Variants in DMD observed in about 807,000 individuals in gnomAD.
DMD encodes mutant dystrophin.
In DMD, 63 loss-of-function variants were observed where a neutral mutation model predicts 330.1. The ratio of observed to expected loss-of-function variants is 0.19; its 90% CI spans 0.16 to 0.24. DMD has a LOEUF of 0.24. Ranked by LOEUF, DMD falls within the 10% of genes least tolerant of loss-of-function variation. The pLI, the probability that DMD is intolerant of heterozygous loss-of-function variation, is 1.00. For synonymous variants in DMD, 1,223 were observed against 959.8 expected (o/e 1.27, Z -5.07); for missense variants, 3,344 against 2,684.1 (o/e 1.25, Z -5.43).
At chrX:31,224,509 A>T (rs920103199) in intron 63 of DMD, among the ~76,000 whole-genome samples, 1 of 112,334 alleles carries the variant, frequency 8.9e-6, no homozygotes, top group African/African-American at 3.2e-5. Flanking sequence ...AATGTTGGTG[A>T]GGATATGGAG....
intron 9 of DMD, among the ~76,000 whole-genome samples, chrX:32,679,304 A>G (rs1175592830): frequency 9.0e-6 from 1 of 111,337 alleles, no homozygotes; most frequent in Non-Finnish European, 1.9e-5. Context: ...AGAAACTAGA[A>G]AAACAATAGA....
At chrX:31,893,665 G>C (rs2094290597) in intron 47 of DMD, among the ~76,000 whole-genome samples, 1 of 110,528 alleles carries the variant, frequency 9.0e-6, no homozygotes, top group Non-Finnish European at 1.9e-5. Flanking sequence ...AGGAGGGATA[G>C]GCAGGGTAAT....
chrX:31,827,951 C>T (rs1286691749), intron 49 of DMD, among the ~76,000 whole-genome samples: 1 of 111,907 alleles, frequency 8.9e-6, no homozygotes, highest in African/African-American at 3.2e-5. Context: ...TTAAATACTA[C>T]ATCAAAAATT....
At chrX:32,458,923 T>A (rs188475486) in intron 25 of DMD, among the ~76,000 whole-genome samples, 4 of 111,307 alleles carry the variant, frequency 3.6e-5, no homozygotes, top group Non-Finnish European at 5.7e-5. Flanking sequence ...ATATGATTTG[T>A]GAATATTTCC....
At chrX:32,296,436 G>A (rs7882108) in intron 42 of DMD, among the ~76,000 whole-genome samples, 5 of 110,496 alleles carry the variant, frequency 4.5e-5, no homozygotes, top group South Asian at 4.0e-4. Flanking sequence ...CCTCTGTCCC[G>A]TCTCTGTGGT....
At chrX:32,896,358 T>C (rs751858762) in intron 2 of DMD, among the ~76,000 whole-genome samples, 2 of 112,094 alleles carry the variant, frequency 1.8e-5, no homozygotes, top group Non-Finnish European at 3.8e-5. Flanking sequence ...GACTCACTAT[T>C]GACACCAGCC....
chrX:32,162,678 C>A (rs2096854352), intron 44 of DMD, among the ~76,000 whole-genome samples: 1 of 89,735 alleles, frequency 1.1e-5, no homozygotes, highest in African/African-American at 4.2e-5. Context: ...TGGCTCAATT[C>A]TCCTGCCTCA....
intron 49 of DMD, among the ~76,000 whole-genome samples, chrX:31,830,888 T>C (rs1169540251): frequency 8.9e-6 from 1 of 111,983 alleles, no homozygotes; most frequent in Non-Finnish European, 1.9e-5. Context: ...ATGACTAATA[T>C]GAGGCATTGC....
intron 22 of DMD, among the ~76,000 whole-genome samples, chrX:32,469,868 A>C (rs143390414): frequency 1.8e-5 from 2 of 110,878 alleles, no homozygotes; most frequent in African/African-American, 6.5e-5. Flanking sequence ...CCCTCAATCA[A>C]TCAATATCCT....
chrX:32,404,079 T>C (rs1485244848), intron 30 of DMD, among the ~76,000 whole-genome samples: 1 of 112,389 alleles, frequency 8.9e-6, no homozygotes, highest in Non-Finnish European at 1.9e-5. Flanking sequence ...TTGATTTTGA[T>C]AGCTTGGAAT....
At chrX:32,044,067 C>T (rs1401794467) in intron 44 of DMD, among the ~76,000 whole-genome samples, 2 of 111,477 alleles carry the variant, frequency 1.8e-5, no homozygotes, top group Non-Finnish European at 3.8e-5. Flanking sequence ...GAGTATTTGC[C>T]AGCTTTAGAA....
At chrX:31,729,176 G>A (rs1029441371) in intron 52 of DMD, among the ~76,000 whole-genome samples, 2 of 111,800 alleles carry the variant, frequency 1.8e-5, no homozygotes, top group Non-Finnish European at 3.8e-5. Context: ...TTACAAAATG[G>A]GGGCATCAAA....
chrX:32,187,967 A>C (rs2096955082), intron 44 of DMD, among the ~76,000 whole-genome samples: 1 of 111,277 alleles, frequency 9.0e-6, no homozygotes, highest in Admixed American at 9.6e-5. Context: ...GCAACATAAT[A>C]AACATTATAA....
At chrX:32,367,021 G>T (rs931826917) in intron 34 of DMD, among the ~76,000 whole-genome samples, 1 of 111,785 alleles carries the variant, frequency 8.9e-6, no homozygotes, top group African/African-American at 3.2e-5. Flanking sequence ...TTTATCAATC[G>T]TAAGTGTTGC....
At chrX:31,262,219 G>C (rs1216236412) in intron 62 of DMD, among the ~76,000 whole-genome samples, 1 of 112,040 alleles carries the variant, frequency 8.9e-6, no homozygotes, top group Non-Finnish European at 1.9e-5. Context: ...GTCGCTTTTG[G>C]TATCATGTGC....
chrX:32,054,899 A>G (rs1221313536), intron 44 of DMD, among the ~76,000 whole-genome samples: 16 of 100,520 alleles, frequency 1.6e-4, no homozygotes, highest in African/African-American at 5.1e-4. Context: ...GGAGGGGAGG[A>G]GAGAGAGATC....
chrX:31,687,206 T>G lies in DMD; in HGVS notation c.7661-7620A>C, dbSNP rs769539762. Among the ~76,000 whole-genome samples the G allele has an allele frequency of 1.3e-4, 14 of 111,820 alleles. No individual in the cohort carries two copies. In the East Asian group the frequency reaches 3.9e-3, roughly 31 times the overall value. On this transcript the variant is annotated intron_variant, in intron 52 of 78. Transcript: ENST00000357033. Reference sequence around the variant, plus strand: ...ACTGTGGGACTTGGCCTCTGAGATGTGCTGGCTTCATAGGTCACCCAGCAA... The same window carrying G: ...ACTGTGGGACTTGGCCTCTGAGATGGGCTGGCTTCATAGGTCACCCAGCAA...
intron 2 of DMD, among the ~76,000 whole-genome samples, chrX:33,009,904 G>T (rs1390402445): frequency 1.7e-5 from 1 of 57,815 alleles, no homozygotes; most frequent in Non-Finnish European, 3.2e-5. Flanking sequence ...GTATATGTGT[G>T]TATATGTGTA....
At chrX:32,889,876 C>A (rs185421327) in intron 2 of DMD, among the ~76,000 whole-genome samples, 2 of 111,039 alleles carry the variant, frequency 1.8e-5, no homozygotes, top group South Asian at 7.7e-4. Context: ...TCTCTTCACT[C>A]GGAGGGGCGT....
Sources: allele counts gnomAD v4.1 joint callset (sites outside exome capture counted in the v4.1 genomes callset), GRCh38; gene constraint gnomAD v4.1.1; transcripts MANE v1.5; gene names NCBI Gene and HGNC (gene_info 2026-07-23, HGNC 2026-07-21).